The following SVOP variants were observed in gnomAD, a reference collection of about 807,000 sequenced individuals.
The protein encoded by SVOP is synaptic vesicle 2-related protein.
SVOP carries 17 observed loss-of-function variants against 69.1 expected under a neutral mutation model. That is an observed-to-expected ratio of 0.25 (90% CI 0.17 to 0.37). The LOEUF (loss-of-function observed/expected upper bound fraction) is 0.37. Among genes scored for constraint, SVOP ranks in the 10% least tolerant of loss-of-function variants. The pLI, the probability that SVOP is intolerant of heterozygous loss-of-function variation, is 1.00. For synonymous variants in SVOP, 238 were observed against 238.6 expected (o/e 1.00, Z 0.02); for missense variants, 435 against 597.5 (o/e 0.73, Z 2.84).
Position 109,020,689 on chromosome 12 carries a change from C to T in SVOP, c.35+145G>A, listed in dbSNP as rs867889786. ...CTGGGGAAAGAAAATGGCTTGTCTCCTCCAGGCCCTAATTCCTTCCTCTGA... is the reference window on the plus strand; with the variant it reads ...CTGGGGAAAGAAAATGGCTTGTCTCTTCCAGGCCCTAATTCCTTCCTCTGA... On this transcript the variant is annotated intron_variant, in intron 1 of 15. Coordinates refer to ENST00000610966, the MANE Select transcript of SVOP (RefSeq NM_018711.5). The T allele has an allele frequency of 5.1e-6, 3 of 584,788 alleles. No individual in the cohort carries two copies. The Middle Eastern group carries it at 8.8e-4, about 171-fold the overall frequency. The allele number at this position is 584,788 out of a possible 1,614,324, so 36.2% of individuals were successfully genotyped here.
chr12:108,928,558 G>A (rs2039796099), intron 11 of SVOP, among the ~76,000 whole-genome samples: 1 of 140,738 alleles, frequency 7.1e-6, no homozygotes, highest in African/African-American at 2.5e-5. Flanking sequence ...AAACCCAGAC[G>A]GATTTTCTGA....
intron 6 of SVOP, among the ~76,000 whole-genome samples, chr12:108,952,560 T>C (rs1004982264): frequency 1.2e-4 from 18 of 152,140 alleles, no homozygotes; most frequent in African/African-American, 3.9e-4. Context: ...TTAATAACTA[T>C]CTGGCCAGGC....
rs2039689511 is a variant in SVOP at position 108,912,361 on chromosome 12, G to C, written c.*174C>G. 6.8e-7 allele frequency: 1 copy of C among 1,471,434 alleles called. No homozygotes were observed. Among genetic ancestry groups the C allele is most frequent in the Non-Finnish European group, 8.9e-7 (1 of 1,117,598 alleles). 91.1% of individuals were successfully genotyped at this position (1,471,434 alleles called of 1,614,324 possible). A position where few individuals can be genotyped will look rare whatever the true frequency, so the allele number is the denominator to read the frequency against. ...CTAGAGCAAACATCTCCCCATCCCT[G>C]GGTGGACCTCAATGAAGATGAGCAA... is the stretch of plus-strand genomic sequence containing the variant. On this transcript the variant is annotated 3_prime_UTR_variant, in exon 16 of 16. Transcript: ENST00000610966.
At chr12:109,010,190 T>A (rs1300608102) in intron 1 of SVOP, among the ~76,000 whole-genome samples, 1 of 151,804 alleles carries the variant, frequency 6.6e-6, no homozygotes, top group Non-Finnish European at 1.5e-5. Flanking sequence ...CCAGAATAAC[T>A]GACATGATCC....
intron 1 of SVOP, among the ~76,000 whole-genome samples, chr12:108,994,286 GA>G (rs1196451105): frequency 6.6e-6 from 1 of 151,944 alleles, no homozygotes; most frequent in Non-Finnish European, 1.5e-5. Flanking sequence ...TTGAGGTCAG[GA>G]GTTTCAAACC....
chr12:108,937,278 C>T lies in SVOP; in HGVS notation c.957G>A (p.Leu319=). The stretch of plus-strand genomic sequence containing the variant: ...ACAGCTCTTACCATATAAACCACAG[C>T]AGCAAAGTTGTCCATCTAAAATGGG... ...FTPHFRWTTL[L]LWFIWFSNAF... is the part of the protein sequence containing the mutation. Residue 319 remains leucine (L), a synonymous_variant, in exon 10 of 16, where the codon CTG becomes CTA. Transcript: ENST00000610966. The T allele has an allele frequency of 1.2e-6, 2 of 1,613,954 alleles. No homozygotes were observed. The highest frequency in any genetic ancestry group is 1.7e-6 in the Non-Finnish European group (2 of 1,179,868).
At position 108,941,027 on chromosome 12, in the gene SVOP, G is replaced by A. The variant is rs2039888367; in HGVS notation, c.643-118C>T. ...GTAAGGGGTCATCGGAGTCAGTAAG[G>A]TTAGAATAGCCACACTTTCCCTGTG... On this transcript the variant is annotated intron_variant, in intron 7 of 15. Coordinates refer to ENST00000610966, the MANE Select transcript of SVOP (RefSeq NM_018711.5). 5.1e-6 allele frequency: 7 copies of A among 1,372,048 alleles called. No individual in the cohort carries two copies. The Admixed American group carries it at 1.4e-4, about 28-fold the overall frequency. 85.0% of individuals were successfully genotyped at this position (1,372,048 alleles called of 1,614,324 possible).
chr12:108,982,066 A>C (rs1039921826), intron 2 of SVOP, among the ~76,000 whole-genome samples: 1 of 151,632 alleles, frequency 6.6e-6, no homozygotes, highest in Non-Finnish European at 1.5e-5. Flanking sequence ...CACCATCATA[A>C]CCACCATCTT....
At chr12:108,972,826 C>A (rs1236485414) in intron 4 of SVOP, among the ~76,000 whole-genome samples, 3 of 152,370 alleles carry the variant, frequency 2.0e-5, no homozygotes, top group East Asian at 3.9e-4. Flanking sequence ...CCCAAAGAAA[C>A]ACTTGCCCTG....
chr12:108,994,368 C>T (rs55981081), intron 1 of SVOP, among the ~76,000 whole-genome samples: 5,732 of 152,130 alleles, frequency 0.038, 140 homozygotes, highest in South Asian at 0.069. Flanking sequence ...GTGGCATGCA[C>T]CTGTAATCCC....
Position 108,910,600 on chromosome 12 carries a change from G to T in SVOP, c.*1935C>A. ...TCCTCTTCAACTGCCTGGGCGGAGG[G>T]GGCTGCAGCCCACATTTTAGAGACA... is the stretch of plus-strand genomic sequence containing the variant. On this transcript the variant is annotated 3_prime_UTR_variant, in exon 16 of 16. Coordinates refer to ENST00000610966, the MANE Select transcript of SVOP (RefSeq NM_018711.5). 1 of 152,206 alleles carries T rather than the reference G, an allele frequency of 6.6e-6. No homozygotes were observed. The highest frequency in any genetic ancestry group is 1.5e-5 in the Non-Finnish European group (1 of 68,036). The allele number at this position is 152,206 out of a possible 1,614,324, so 9.4% of individuals were successfully genotyped here.
chr12:108,990,658 TA>T (rs919692239), intron 1 of SVOP, among the ~76,000 whole-genome samples: 13 of 126,510 alleles, frequency 1.0e-4, no homozygotes, highest in African/African-American at 3.6e-4. Context: ...TAAAGTATAA[TA>T]AAAAATAAAA....
chr12:109,005,482 G>A (rs2040301440), intron 1 of SVOP, among the ~76,000 whole-genome samples: 1 of 152,282 alleles, frequency 6.6e-6, no homozygotes, highest in South Asian at 2.1e-4. Context: ...GGGTCCAATG[G>A]AGGATGAAAT....
intron 2 of SVOP, among the ~76,000 whole-genome samples, chr12:108,979,634 G>A (rs1185605831): frequency 6.6e-6 from 1 of 152,156 alleles, no homozygotes; most frequent in Admixed American, 6.6e-5. Flanking sequence ...TTGTGGAAAG[G>A]TATGTACCAG....
At chr12:108,956,133 T>C (rs2039984324) in intron 6 of SVOP, among the ~76,000 whole-genome samples, 1 of 118,536 alleles carries the variant, frequency 8.4e-6, no homozygotes, top group African/African-American at 2.5e-5. Context: ...ACCCCGTCTC[T>C]ACTAAAAATA....
In SVOP at chr12:108,918,135, G is replaced by A. The variant is rs1318231311; in HGVS notation, c.1269-11C>T. Reference sequence around the variant, plus strand: ...AGAGTGAGCACATTTCTAGGAGGAGGATAAAGGCAGATGATGGCATTTTTT... The same window carrying A: ...AGAGTGAGCACATTTCTAGGAGGAGAATAAAGGCAGATGATGGCATTTTTT... On this transcript the variant is annotated splice_polypyrimidine_tract_variant and intron_variant, in intron 13 of 15. Coordinates refer to ENST00000610966, the MANE Select transcript of SVOP (RefSeq NM_018711.5). The A allele has an allele frequency of 1.3e-6, 2 of 1,549,064 alleles. No individual in the cohort carries two copies. Among genetic ancestry groups the A allele is most frequent in the Middle Eastern group, 1.7e-4 (1 of 5,956 alleles).
At chr12:108,926,780 T>C (rs2039783181) in intron 11 of SVOP, among the ~76,000 whole-genome samples, 1 of 152,258 alleles carries the variant, frequency 6.6e-6, no homozygotes, top group Non-Finnish European at 1.5e-5. Context: ...TGCCTGTATA[T>C]GTGTTTGCTT....
At chr12:109,014,783 A>G (rs1295065161) in intron 1 of SVOP, among the ~76,000 whole-genome samples, 2 of 152,012 alleles carry the variant, frequency 1.3e-5, no homozygotes, top group Non-Finnish European at 2.9e-5. Flanking sequence ...GTGTAGTGGC[A>G]CATTCATAGC....
intron 9 of SVOP, 115 bp downstream of exon 9, chr12:108,938,712 C>T (rs1178825593): frequency 2.0e-6 from 3 of 1,519,316 alleles, no homozygotes; most frequent in Middle Eastern, 2.0e-4. Context: ...CACACCCCAC[C>T]TTGGGTACAC....
Sources: gnomAD v4.1 joint callset for allele counts (sites outside exome capture counted in the v4.1 genomes callset) on GRCh38, gnomAD v4.1.1 for gene constraint, MANE v1.5 for transcripts, NCBI Gene and HGNC (gene_info 2026-07-23, HGNC 2026-07-21) for gene names.